DLGAP2: variants seen among roughly 807,000 people sequenced by gnomAD.
DLGAP2 encodes the protein disks large-associated protein 2.
In DLGAP2, 26 loss-of-function variants were observed where a neutral mutation model predicts 100.3. The observed-to-expected ratio is 0.26, with a 90% CI of 0.19 to 0.36. The LOEUF (loss-of-function observed/expected upper bound fraction) is 0.36, where lower values mean the gene tolerates loss of function less well. Among genes scored for constraint, DLGAP2 ranks in the 10% least tolerant of loss-of-function variants. DLGAP2 has a pLI of 1.00. For missense variants in DLGAP2, 1,858 were observed against 1,453.2 expected, an observed-to-expected ratio of 1.28 and a Z score of -4.53; for synonymous variants, 886 against 630.1, an observed-to-expected ratio of 1.41 and a Z score of -6.08.
intron 2 of DLGAP2, among the ~76,000 whole-genome samples, chr8:1,078,597 G>C (rs1188387171): frequency 6.6e-6 from 1 of 152,104 alleles, no homozygotes; most frequent in Non-Finnish European, 1.5e-5. Flanking sequence ...AGCAAACACT[G>C]ATCTTTTACT....
intron 2 of DLGAP2, among the ~76,000 whole-genome samples, chr8:1,186,119 G>GT (rs1394933096): frequency 6.6e-6 from 1 of 152,264 alleles, no homozygotes; most frequent in African/African-American, 2.4e-5. Context: ...CCTCGCCAAG[G>GT]TGCTTCTCGC....
rs539137227 is a variant in DLGAP2 at position 1,330,335 on chromosome 8, G to A, written c.106+71452G>A. On this transcript the variant is annotated intron_variant, in intron 3 of 14. Coordinates refer to ENST00000637795, the MANE Select transcript of DLGAP2 (RefSeq NM_001346810.2). ...GGACTGAGTTCTGGGTGGGAGCACC[G>A]CTTCGCGGGGACTGAGTTCTGGGTG... Among the ~76,000 whole-genome samples the A allele has an allele frequency of 3.3e-5, 5 of 149,662 alleles. 1 individual carries two copies. Among genetic ancestry groups the A allele is most frequent in the Admixed American group, 2.7e-4 (4 of 15,064 alleles).
intron 2 of DLGAP2, among the ~76,000 whole-genome samples, chr8:1,197,196 T>C (rs778824770): frequency 6.6e-6 from 1 of 152,164 alleles, no homozygotes; most frequent in Non-Finnish European, 1.5e-5. Flanking sequence ...ACGGAAGTCA[T>C]GTTCCCACAT....
intron 3 of DLGAP2, among the ~76,000 whole-genome samples, chr8:1,322,408 C>T (rs946771571): frequency 6.6e-6 from 1 of 152,150 alleles, no homozygotes; most frequent in African/African-American, 2.4e-5. Context: ...TGTACCCACC[C>T]GGCGTGCTGG....
intron 2 of DLGAP2, among the ~76,000 whole-genome samples, chr8:997,815 T>C (rs761256404): frequency 1.2e-4 from 18 of 152,326 alleles, no homozygotes; most frequent in Non-Finnish European, 2.1e-4. Context: ...CTTATACCTA[T>C]GCATACATAC....
At chr8:1,285,480 G>C (rs1799903017) in intron 3 of DLGAP2, among the ~76,000 whole-genome samples, 1 of 152,172 alleles carries the variant, frequency 6.6e-6, no homozygotes, top group Admixed American at 6.5e-5. Flanking sequence ...TGGAGATGAT[G>C]GAAGGCCTGT....
Position 1,163,888 on chromosome 8 carries a change from T to C in DLGAP2, c.74-94963T>C, listed in dbSNP as rs1329880968. ...TGCCGACACGTCCTTGCTGTTGGGC[T>C]CCCTTCAGGAGAGAAAGTCCGGCGT... On this transcript the variant is annotated intron_variant, in intron 2 of 14. Transcript: ENST00000637795. Among the ~76,000 whole-genome samples, 4 of 152,108 alleles carry C rather than the reference T, an allele frequency of 2.6e-5. No individual in the cohort carries two copies. The East Asian group carries it at 5.8e-4, about 22-fold the overall frequency.
At chr8:1,464,793 G>A (rs10216574) in intron 3 of DLGAP2, among the ~76,000 whole-genome samples, 29,508 of 152,052 alleles carry the variant, frequency 0.19, 2,896 homozygotes, top group South Asian at 0.27. Context: ...GCACCGGGAC[G>A]TAGAGAGGCC....
chr8:1,258,804 G>C, intron 2 of DLGAP2, 47 bp from the exon 3 acceptor site: 1 of 1,230,232 alleles, frequency 8.1e-7, no homozygotes. Context: ...TAACTGCATG[G>C]TTGAGACCCT....
chr8:1,468,266 G>A (rs376505869), intron 3 of DLGAP2, among the ~76,000 whole-genome samples: 20 of 151,746 alleles, frequency 1.3e-4, no homozygotes, highest in African/African-American at 4.6e-4. Flanking sequence ...TTCACACAGC[G>A]TAGATCCGGG....
At chr8:1,653,672 GGCTGT>G (rs1798218457) in intron 8 of DLGAP2, among the ~76,000 whole-genome samples, 1 of 68,626 alleles carries the variant, frequency 1.5e-5, no homozygotes, top group Non-Finnish European at 3.3e-5. Flanking sequence ...TATTTGCTTG[GGCTGT>G]GAACTGCAGG....
At chr8:1,268,786 A>C (rs1057501667) in intron 3 of DLGAP2, among the ~76,000 whole-genome samples, 8 of 152,352 alleles carry the variant, frequency 5.3e-5, no homozygotes, top group Admixed American at 1.3e-4. Context: ...CTCATGTTGC[A>C]CACTGGGAAA....
At chr8:1,026,207 G>A (rs1392128739) in intron 2 of DLGAP2, among the ~76,000 whole-genome samples, 3 of 152,174 alleles carry the variant, frequency 2.0e-5, no homozygotes, top group Non-Finnish European at 2.9e-5. Context: ...CCTCACGATC[G>A]TGCTGTCTCG....
At position 1,480,000 on chromosome 8, in the gene DLGAP2, T is replaced by C. The variant is rs142427570; in HGVS notation, c.107-21366T>C. On this transcript the variant is annotated intron_variant, in intron 3 of 14. Coordinates refer to ENST00000637795, the MANE Select transcript of DLGAP2 (RefSeq NM_001346810.2). The stretch of plus-strand genomic sequence containing the variant: ...CCCTGTGATAAATGTTTTACATAGA[T>C]TAGTCCTCACCAGCCCCTGTAAGAC... Among the ~76,000 whole-genome samples the C allele has an allele frequency of 3.9e-3, 591 of 152,316 alleles. 3 individuals are homozygous for C. Among genetic ancestry groups the C allele is most frequent in the African/African-American group, 0.014 (567 of 41,568 alleles).
At position 824,311 on chromosome 8, in the gene DLGAP2, A is replaced by G. The variant is rs565284970; in HGVS notation, c.19-83601A>G. ...GGCTGGTCTTGCACTCCTGGGCTCA[A>G]GCAATGTCTTTGTCTCGGCGTCCCA... On this transcript the variant is annotated intron_variant, in intron 1 of 14. Coordinates refer to ENST00000637795, the MANE Select transcript of DLGAP2 (RefSeq NM_001346810.2). 2.0e-5 allele frequency among the ~76,000 whole-genome samples: 3 copies of G among 151,980 alleles called. No individual in the cohort carries two copies. The South Asian group carries it at 6.3e-4, about 32-fold the overall frequency.
intron 1 of DLGAP2, among the ~76,000 whole-genome samples, chr8:774,800 T>A (rs1183812973): frequency 1.4e-5 from 2 of 147,550 alleles, no homozygotes; most frequent in Non-Finnish European, 3.0e-5. Context: ...CCAGCTTTGT[T>A]CTTTTGGCTT....
intron 1 of DLGAP2, among the ~76,000 whole-genome samples, chr8:828,301 G>C (rs886823869): frequency 2.0e-5 from 3 of 152,124 alleles, no homozygotes; most frequent in South Asian, 2.1e-4. Flanking sequence ...CTGCAATCTC[G>C]ACCATAAGAG....
At chr8:1,667,833 C>T (rs3817673) in intron 8 of DLGAP2, among the ~76,000 whole-genome samples, 11,041 of 152,080 alleles carry the variant, frequency 0.073, 1,072 homozygotes, top group East Asian at 0.48. Context: ...CGCTGTCCTG[C>T]GGGGACACAC....
chr8:950,434 G>A (rs924906725), intron 2 of DLGAP2, among the ~76,000 whole-genome samples: 2 of 152,058 alleles, frequency 1.3e-5, no homozygotes, highest in African/African-American at 2.4e-5. Flanking sequence ...TGCGGGTCAC[G>A]TCATGTCACT....
Sources: gnomAD v4.1 joint callset for allele counts (sites outside exome capture counted in the v4.1 genomes callset) on GRCh38, gnomAD v4.1.1 for gene constraint, MANE v1.5 for transcripts, NCBI Gene and HGNC (gene_info 2026-07-23, HGNC 2026-07-21) for gene names.